The following RPS6KA2 variants were observed in gnomAD, a reference collection of about 807,000 sequenced individuals.
RPS6KA2 encodes ribosomal protein S6 kinase A2, also known as ribosomal protein S6 kinase alpha-2.
Under a neutral mutation model 91.8 loss-of-function variants are expected in RPS6KA2, and 42 were observed. The ratio of observed to expected loss-of-function variants is 0.46; its 90% CI spans 0.36 to 0.59. The LOEUF (loss-of-function observed/expected upper bound fraction) is 0.59. RPS6KA2 is among the 20% of genes least tolerant of loss of function. The pLI, the probability that RPS6KA2 is intolerant of heterozygous loss-of-function variation, is 0.00. For synonymous variants in RPS6KA2, 414 were observed against 393.6 expected (o/e 1.05, Z -0.61); for missense variants, 798 against 978.5 (o/e 0.82, Z 2.46).
intron 3 of RPS6KA2, among the ~76,000 whole-genome samples, chr6:166,522,300 G>A (rs185896140): frequency 1.3e-5 from 2 of 151,784 alleles, no homozygotes; most frequent in East Asian, 3.9e-4. Flanking sequence ...CAATGGCTGT[G>A]TAAATGCACC....
At chr6:166,559,253 A>C (rs1274801735) in intron 1 of RPS6KA2, among the ~76,000 whole-genome samples, 2 of 152,226 alleles carry the variant, frequency 1.3e-5, no homozygotes, top group Admixed American at 1.3e-4. Flanking sequence ...CAGTGTGGGA[A>C]GGGATTCAGT....
chr6:166,652,497 T>C (rs1787882685), intron 2 of RPS6KA2, among the ~76,000 whole-genome samples: 1 of 152,190 alleles, frequency 6.6e-6, no homozygotes, highest in African/African-American at 2.4e-5. Context: ...GAGGTTGTCT[T>C]CTCGATGGCG....
chr6:166,700,634 T>C (rs1019239672), intron 2 of RPS6KA2, among the ~76,000 whole-genome samples: 5 of 152,210 alleles, frequency 3.3e-5, no homozygotes, highest in Non-Finnish European at 7.3e-5. Flanking sequence ...AAAATAAAAC[T>C]GAGAACAGTT....
At chr6:166,513,476 C>G (rs1005180261) in intron 3 of RPS6KA2, among the ~76,000 whole-genome samples, 2 of 152,206 alleles carry the variant, frequency 1.3e-5, no homozygotes, top group African/African-American at 4.8e-5. Flanking sequence ...AATTCAACCC[C>G]ATGTTCTTAC....
At chr6:166,783,675 T>A (rs536924127) in intron 2 of RPS6KA2, among the ~76,000 whole-genome samples, 2 of 151,810 alleles carry the variant, frequency 1.3e-5, no homozygotes, top group East Asian at 3.9e-4. Flanking sequence ...TGTATACACA[T>A]GTGCACACCT....
intron 2 of RPS6KA2, among the ~76,000 whole-genome samples, chr6:166,745,539 C>T (rs1345939000): frequency 2.0e-5 from 3 of 152,188 alleles, no homozygotes. Flanking sequence ...TCTCTAAGGA[C>T]CCTCCCTCCC....
chr6:166,767,149 T>A lies in RPS6KA2; in HGVS notation c.123+91051A>T, dbSNP rs1039332517. On this transcript the variant is annotated intron_variant, in intron 2 of 21. Coordinates refer to the RPS6KA2 transcript ENST00000503859. This position sits in a 1 kb window ranked among gnomAD's most constrained non-coding sequence, Gnocchi z 4.6. ...AGCTCCACCATGGAATTTTTGTCTC[T>A]GAAAACAGACTGAAGAACCAGACTT... Among the ~76,000 whole-genome samples, 3 of 152,200 alleles carry A rather than the reference T, an allele frequency of 2.0e-5. No individual in the cohort carries two copies. Among genetic ancestry groups the A allele is most frequent in the Admixed American group, 2.0e-4 (3 of 15,288 alleles).
intron 1 of RPS6KA2, among the ~76,000 whole-genome samples, chr6:166,613,776 C>T (rs1786287227): frequency 6.6e-6 from 1 of 152,162 alleles, no homozygotes; most frequent in South Asian, 2.1e-4. Flanking sequence ...CACAGTCGGG[C>T]TTTCCACGGC....
At chr6:166,706,741 C>A (rs776254655) in intron 2 of RPS6KA2, among the ~76,000 whole-genome samples, 1 of 152,034 alleles carries the variant, frequency 6.6e-6, no homozygotes, top group Admixed American at 6.5e-5. Context: ...ACTGTCTGTG[C>A]AAAATGAAAT....
intron 19 of RPS6KA2, among the ~76,000 whole-genome samples, chr6:166,417,319 C>T (rs186621067): frequency 1.3e-5 from 2 of 152,290 alleles, no homozygotes; most frequent in African/African-American, 4.8e-5. Context: ...TTATGTTACC[C>T]AGTCTAGAGG....
rs927175140 is a variant in RPS6KA2 at position 166,639,174 on chromosome 6, G to A, written c.124-100390C>T. On this transcript the variant is annotated intron_variant, in intron 2 of 21. Transcript: ENST00000503859. The surrounding 1 kb of genome is among the most constrained non-coding windows in gnomAD (Gnocchi z 4.2). Reference sequence around the variant, plus strand: ...GGGAAGGCAGTCGACTCCCAAATATGAGAATTTGTATCTGAAAACTCCCCT... The same window carrying A: ...GGGAAGGCAGTCGACTCCCAAATATAAGAATTTGTATCTGAAAACTCCCCT... Among the ~76,000 whole-genome samples the A allele has an allele frequency of 5.3e-5, 8 of 152,158 alleles. No individual in the cohort carries two copies. Among genetic ancestry groups the A allele is most frequent in the African/African-American group, 1.7e-4 (7 of 41,420 alleles).
At chr6:166,673,655 G>T (rs1047247020) in intron 2 of RPS6KA2, among the ~76,000 whole-genome samples, 3 of 152,220 alleles carry the variant, frequency 2.0e-5, no homozygotes, top group Non-Finnish European at 4.4e-5. Flanking sequence ...GCCTGCAGGC[G>T]GCACGCAGCC....
rs954265715 is a variant in RPS6KA2, at chr6:166,409,781, G to T, written c.*2981C>A. Reference sequence around the variant, plus strand: ...ATCAAACTTTGCCATGTGCTTGAGAGAATCAGTAAAGCGTTAGGTAAAAAT... The same window carrying T: ...ATCAAACTTTGCCATGTGCTTGAGATAATCAGTAAAGCGTTAGGTAAAAAT... On this transcript the variant is annotated 3_prime_UTR_variant, in exon 21 of 21. Coordinates refer to ENST00000265678, the MANE Select transcript of RPS6KA2 (RefSeq NM_021135.6). 2 of 152,648 alleles carry T rather than the reference G, an allele frequency of 1.3e-5. 1 individual carries two copies. The highest frequency in any genetic ancestry group is 4.1e-4 in the South Asian group (2 of 4,836). The allele number at this position is 152,648 out of a possible 1,614,324, so 9.5% of individuals were successfully genotyped here.
intron 16 of RPS6KA2, among the ~76,000 whole-genome samples, chr6:166,427,611 A>G (rs1442220726): frequency 6.6e-6 from 1 of 152,130 alleles, no homozygotes; most frequent in African/African-American, 2.4e-5. Flanking sequence ...AAGTCTCAGG[A>G]TACAAAATCA....
At chr6:166,450,551 C>A (rs1583151545) in intron 13 of RPS6KA2, among the ~76,000 whole-genome samples, 2 of 143,542 alleles carry the variant, frequency 1.4e-5, no homozygotes, top group East Asian at 2.5e-4. Flanking sequence ...GGGACCACCA[C>A]AGGGGACCAC....
At chr6:166,513,070 T>G (rs1261868677) in intron 3 of RPS6KA2, among the ~76,000 whole-genome samples, 1 of 152,162 alleles carries the variant, frequency 6.6e-6, no homozygotes, top group Non-Finnish European at 1.5e-5. Flanking sequence ...ACACTAGCTA[T>G]AGCTGATGAG....
At chr6:166,469,779 T>C in intron 11 of RPS6KA2, 62 bp downstream of exon 11, 2 of 1,439,076 alleles carry the variant, frequency 1.4e-6, no homozygotes, top group South Asian at 1.1e-5. Context: ...CCAAGCCGTA[T>C]GTTCCCTCCA....
At chr6:166,862,427 G>A in exon 1 of RPS6KA2, 2 of 1,317,702 alleles carry the variant, frequency 1.5e-6, no homozygotes, top group Non-Finnish European at 2.0e-6. Flanking sequence ...GCCAAGCCAG[G>A]GCTCTGGGGA....
chr6:166,776,284 G>A (rs1778616585), intron 2 of RPS6KA2, among the ~76,000 whole-genome samples: 2 of 152,182 alleles, frequency 1.3e-5, no homozygotes, highest in South Asian at 4.1e-4. Context: ...TAAGAAGGAA[G>A]GATTAACCCA....
Sources: gnomAD v4.1 joint callset for allele counts (sites outside exome capture counted in the v4.1 genomes callset) on GRCh38, gnomAD v4.1.1 for gene constraint, Gnocchi (gnomAD v3.1) non-coding constraint, MANE v1.5 for transcripts, NCBI Gene and HGNC (gene_info 2026-07-23, HGNC 2026-07-21) for gene names.